The following ZNF552 variants were observed in gnomAD, a reference collection of about 807,000 sequenced individuals.
ZNF552 encodes zinc finger protein 552.
Under a neutral mutation model 7.2 loss-of-function variants are expected in ZNF552, and 2 were observed. The observed-to-expected ratio is 0.28, with a 90% CI of 0.11 to 0.88. ZNF552 has a LOEUF of 0.88. Ranked by LOEUF, ZNF552 falls within the 40% of genes least tolerant of loss-of-function variation. The probability of loss-of-function intolerance (pLI) is 0.60; values close to 1 mark genes in which losing one functional copy is unlikely to be tolerated. For missense variants in ZNF552, 421 were observed against 493.4 expected (o/e 0.85, Z 1.39); for synonymous variants, 173 against 176.5 (o/e 0.98, Z 0.16).
chr19:57,814,751 C>T lies in ZNF552; in HGVS notation c.-8G>A, dbSNP rs377052473. On this transcript the variant is annotated 5_prime_UTR_variant, in exon 1 of 3. In the 5' UTR this introduces an upstream ATG that the reference lacks. Coordinates refer to ENST00000391701, the MANE Select transcript of ZNF552 (RefSeq NM_024762.3). ...TAGCGCGGCCGCCGCCATGGGACCA[C>T]GTGGGGTAAGCTGGGTTGAGAGCAG... 6.2e-7 allele frequency: 1 copy of T among 1,600,724 alleles called. No homozygotes were observed. Among genetic ancestry groups the T allele is most frequent in the African/African-American group, 1.3e-5 (1 of 74,234 alleles).
At position 57,808,454 on chromosome 19, in the gene ZNF552, A is replaced by G. The variant is rs776103527; in HGVS notation, c.810T>C (p.Cys270=). ...GVHTREKPYT[C]GICGKLFNSK... ...TGTTAAATAATTTCCCACATATCCCACACGTATAAGGTTTTTCTCTAGTGT... is the reference window on the plus strand; with the variant it reads ...TGTTAAATAATTTCCCACATATCCCGCACGTATAAGGTTTTTCTCTAGTGT... The change falls in exon 3 of 3, where the codon TGT becomes TGC. Residue 270 remains cysteine (C), a synonymous_variant. Coordinates refer to ENST00000391701, the MANE Select transcript of ZNF552 (RefSeq NM_024762.3). The G allele has an allele frequency of 6.2e-7, 1 of 1,613,874 alleles. No homozygotes were observed. Among genetic ancestry groups the G allele is most frequent in the South Asian group, 1.1e-5 (1 of 91,052 alleles).
intron 1 of ZNF552, chr19:57,814,453 C>T (rs1326299754): frequency 2.0e-6 from 3 of 1,486,142 alleles, no homozygotes; most frequent in Admixed American, 3.9e-5. Flanking sequence ...AGGTTGTTCC[C>T]TACAGGCGCC....
chr19:57,814,469 A>AC, intron 1 of ZNF552: 1 of 1,522,518 alleles, frequency 6.6e-7, no homozygotes. Context: ...GCGCCTGTGG[A>AC]CCCCAGGTTC....
Position 57,808,241 on chromosome 19 carries a change from A to T in ZNF552, c.1023T>A (p.Val341=). 3 of 1,614,056 alleles carry T rather than the reference A, an allele frequency of 1.9e-6. No homozygotes were observed. Among genetic ancestry groups the T allele is most frequent in the Middle Eastern group, 1.6e-4 (1 of 6,062 alleles). The change falls in exon 3 of 3, where the codon GTT becomes GTA. Residue 341 remains valine, a synonymous_variant. Transcript: ENST00000391701. ...KSFTHSSTFR[V]HKRVHTGQKP... ...TCTGACCAGTGTGAACTCTCTTATGAACACGGAATGTAGAGCTGTGGGTAA... is the reference window on the plus strand; with the variant it reads ...TCTGACCAGTGTGAACTCTCTTATGTACACGGAATGTAGAGCTGTGGGTAA...
At chr19:57,814,436 G>A (rs1311872491) in intron 1 of ZNF552, 7 of 1,336,158 alleles carry the variant, frequency 5.2e-6, no homozygotes, top group Non-Finnish European at 7.2e-6. Context: ...GAGGAGTTCC[G>A]CCTCACAGGT....
rs1440961368 is a variant in ZNF552, at chr19:57,808,086, GA to G, written c.1177del (p.Ser393LeufsTer31). 6.2e-7 allele frequency: 1 copy of G among 1,613,842 alleles called. No individual in the cohort carries two copies. Among genetic ancestry groups the G allele is most frequent in the Non-Finnish European group, 8.5e-7 (1 of 1,179,978 alleles). On this transcript the variant is annotated frameshift_variant, in exon 3 of 3. Coordinates refer to ENST00000391701, the MANE Select transcript of ZNF552 (RefSeq NM_024762.3). LOFTEE classifies it low-confidence loss of function (END_TRUNC). ...AACTCTCTGATGATGACGAAGTGAAGAGATTTGCCTAAATTTTTTTTCACAT... is the reference window on the plus strand; with the variant it reads ...AACTCTCTGATGATGACGAAGTGAAGGATTTGCCTAAATTTTTTTTCACAT... ...SECEKKFRQI[S>X]SLRHHQRVHK...
chr19:57,808,766 C>T lies in ZNF552; in HGVS notation c.498G>A (p.Gly166=). Residue 166 remains glycine, a synonymous_variant, in exon 3 of 3, where the codon GGG becomes GGA. Transcript: ENST00000391701. ...CACTCTCACTGAAGACAGATGACTC[C>T]CCTGACACATGCAACTTACACCTCT... ...FAKRCKLHVS[G]ESSVFSESGK... is the part of the protein sequence containing the mutation. The T allele has an allele frequency of 6.2e-7, 1 of 1,614,146 alleles. No homozygotes were observed. The highest frequency in any genetic ancestry group is 8.5e-7 in the Non-Finnish European group (1 of 1,180,042).
At position 57,807,929 on chromosome 19, in the gene ZNF552, A is replaced by G. The variant is rs1016392438; in HGVS notation, c.*111T>C. On this transcript the variant is annotated 3_prime_UTR_variant, in exon 3 of 3. Coordinates refer to ENST00000391701, the MANE Select transcript of ZNF552 (RefSeq NM_024762.3). The stretch of plus-strand genomic sequence containing the variant: ...ACTCTTCTCTAGTGTGAACTCTCCA[A>G]TATCCAAGGAGAGCAGACCTTTGGG... 6.6e-6 allele frequency: 9 copies of G among 1,354,194 alleles called. No individual in the cohort carries two copies. The African/African-American group carries it at 7.3e-5, about 11-fold the overall frequency. The allele number at this position is 1,354,194 out of a possible 1,614,324, so 83.9% of individuals were successfully genotyped here.
rs746720087 is a variant in ZNF552, at chr19:57,808,397, A to G, written c.867T>C (p.Ile289=). 2 of 1,613,636 alleles carry G rather than the reference A, an allele frequency of 1.2e-6. No individual in the cohort carries two copies. The highest frequency in any genetic ancestry group is 2.2e-5 in the South Asian group (2 of 91,012). ...ACTCATATGGCTTCTCTCCAGTGTG[A>G]ATTCTCTGGTGTACAAGGAGGTGGG... ...SKSHLLVHQR[I]HTGEKPYECE... is the part of the protein sequence containing the mutation. Residue 289 remains isoleucine (I), a synonymous_variant, in exon 3 of 3, where the codon ATT becomes ATC. Transcript: ENST00000391701.
In ZNF552 at chr19:57,808,935, T is replaced by C. The variant is rs1987802272; in HGVS notation, c.329A>G (p.Gln110Arg). The C allele has an allele frequency of 4.4e-6, 7 of 1,607,112 alleles. No homozygotes were observed. Among genetic ancestry groups the C allele is most frequent in the South Asian group, 1.1e-5 (1 of 90,722 alleles). The change falls in exon 3 of 3, where the codon CAG (glutamine) becomes CGG (arginine). Residue 110 changes from glutamine (Q) to arginine (R), a missense_variant. Coordinates refer to ENST00000391701, the MANE Select transcript of ZNF552 (RefSeq NM_024762.3). ...LGDILHVADH[Q>R]GTHHKQKLHR... ...CAGTTTCTGCTTGTGATGTGTTCCC[T>C]GATGATCTGCCACATGCAAAATGTC...
rs764831139 is a variant in ZNF552, at chr19:57,808,991, G to A, written c.273C>T (p.His91=). The part of the protein sequence containing the change: ...PMAGVSPKKA[H]PCEMCGPILG... ...AGATCGGGCCACACATCTCACAGGG[G>A]TGGGCCTTCTTGGGAGACACACCTG... Residue 91 remains histidine, a synonymous_variant, in exon 3 of 3, where the codon CAC becomes CAT. Transcript: ENST00000391701. 12 of 1,578,880 alleles carry A rather than the reference G, an allele frequency of 7.6e-6. No individual in the cohort carries two copies. The highest frequency in any genetic ancestry group is 1.0e-5 in the Non-Finnish European group (12 of 1,160,710).
intron 2 of ZNF552, among the ~76,000 whole-genome samples, chr19:57,810,639 T>G (rs1987836285): frequency 6.6e-6 from 1 of 152,190 alleles, no homozygotes; most frequent in Non-Finnish European, 1.5e-5. Flanking sequence ...AGCCAGGTAT[T>G]GCCCAAGGTT....
Position 57,808,209 on chromosome 19 carries a change from T to C in ZNF552, c.1055A>G (p.Tyr352Cys). Residue 352 changes from tyrosine to cysteine, a missense_variant, in exon 3 of 3, where the codon TAT becomes TGT. Physicochemically the swap from Tyr to Cys is radical, Grantham distance 194. This residue lies in a region of ZNF552 where 299 missense variants were observed against 293.7 expected (regional missense o/e 1.02). Transcript: ENST00000391701. ...AGATTTCCCACATTCACTGCACTCA[T>C]AAGGCTTCTGACCAGTGTGAACTCT... is the stretch of plus-strand genomic sequence containing the variant. ...HKRVHTGQKP[Y>C]ECSECGKSFA... 1.2e-6 allele frequency: 2 copies of C among 1,614,158 alleles called. No homozygotes were observed. The highest frequency in any genetic ancestry group is 1.7e-6 in the Non-Finnish European group (2 of 1,180,022).
rs1192600081 is a variant in ZNF552, at chr19:57,807,794, A to C, written c.*246T>G. ...GTTATGCAGCCAGACTTCTGGATAA[A>C]TATCCTGTATTTGTCACACTAGTAA... On this transcript the variant is annotated 3_prime_UTR_variant, in exon 3 of 3. Transcript: ENST00000391701. The C allele has an allele frequency of 2.1e-6, 1 of 486,482 alleles. No homozygotes were observed. The highest frequency in any genetic ancestry group is 3.3e-6 in the Non-Finnish European group (1 of 300,130). 30.1% of individuals were successfully genotyped at this position (486,482 alleles called of 1,614,324 possible). A position where few individuals can be genotyped will look rare whatever the true frequency, so the allele number is the denominator to read the frequency against.
Position 57,808,052 on chromosome 19 carries a change from TC to T in ZNF552, c.1211del (p.Arg404LysfsTer20), listed in dbSNP as rs746334002. 1.8e-5 allele frequency: 29 copies of T among 1,609,642 alleles called. No homozygotes were observed. Among genetic ancestry groups the T allele is most frequent in the Non-Finnish European group, 2.3e-5 (27 of 1,177,764 alleles). On this transcript the variant is annotated frameshift_variant, in exon 3 of 3. Coordinates refer to ENST00000391701, the MANE Select transcript of ZNF552 (RefSeq NM_024762.3). LOFTEE classifies it high-confidence loss of function. ...SLRHHQRVHK[R>X]KGL ...GGACTCACTGCACTCATAAGCCCTT[TC>T]TTTTGTGAACTCTCTGATGATGACG...
In ZNF552 at chr19:57,813,275, G is replaced by C. The variant is rs1341381486; in HGVS notation, c.160+19C>G. ...ACAGAGACTAGCTCAGGTCACAGGG[G>C]TGAGTGTGGGCAACTTACCCAGGGA... On this transcript the variant is annotated intron_variant, in intron 2 of 2. Transcript: ENST00000391701. 3.7e-6 allele frequency: 6 copies of C among 1,613,772 alleles called. No homozygotes were observed. Among genetic ancestry groups the C allele is most frequent in the African/African-American group, 1.3e-5 (1 of 74,712 alleles).
At chr19:57,809,865 T>A (rs898438742) in intron 2 of ZNF552, among the ~76,000 whole-genome samples, 1 of 152,078 alleles carries the variant, frequency 6.6e-6, no homozygotes, top group African/African-American at 2.4e-5. Flanking sequence ...ATGCCTACAA[T>A]CCCAGCACTT....
In ZNF552 at chr19:57,813,347, C is replaced by T. The variant is rs771501342; in HGVS notation, c.107G>A (p.Arg36Lys). Reference sequence around the variant, plus strand: ...CAGCGTCACATCACGGTACAGGCATCTCTGAGCCTCACTAAGGAGATTCCA... The same window carrying T: ...CAGCGTCACATCACGGTACAGGCATTTCTGAGCCTCACTAAGGAGATTCCA... ...EEWNLLSEAQ[R>K]CLYRDVTLEN... The change falls in exon 2 of 3, where the codon AGA becomes AAA. Residue 36 changes from arginine to lysine, a missense_variant. Coordinates refer to ENST00000391701, the MANE Select transcript of ZNF552 (RefSeq NM_024762.3). 1 of 1,614,144 alleles carries T rather than the reference C, an allele frequency of 6.2e-7. No homozygotes were observed. The highest frequency in any genetic ancestry group is 1.7e-5 in the Admixed American group (1 of 60,018).
chr19:57,813,002 C>T (rs560200233), intron 2 of ZNF552: 286 of 461,810 alleles, frequency 6.2e-4, no homozygotes, highest in African/African-American at 5.2e-3. Context: ...AATTAGATCC[C>T]GAACCTGAAA....
Sources: allele counts gnomAD v4.1 joint callset (sites outside exome capture counted in the v4.1 genomes callset), GRCh38; gene constraint gnomAD v4.1.1; regional missense constraint gnomAD v4.1.1; transcripts MANE v1.5; gene names NCBI Gene and HGNC (gene_info 2026-07-23, HGNC 2026-07-21).